Variants in BRF1 observed in about 807,000 individuals in gnomAD.
The protein encoded by BRF1 is BRF1 general transcription factor IIIB subunit, also known as transcription factor IIIB 90 kDa subunit.
BRF1 carries 59 observed loss-of-function variants against 81.7 expected under a neutral mutation model. The ratio of observed to expected loss-of-function variants is 0.72; its 90% CI spans 0.59 to 0.90. The LOEUF (loss-of-function observed/expected upper bound fraction) is 0.90, where lower values mean the gene tolerates loss of function less well. Among genes scored for constraint, BRF1 ranks in the 40% least tolerant of loss-of-function variants. The pLI, the probability that BRF1 is intolerant of heterozygous loss-of-function variation, is 0.00. For synonymous variants in BRF1, 491 were observed against 395.6 expected (o/e 1.24, Z -2.86); for missense variants, 1,050 against 936.3 (o/e 1.12, Z -1.58).
At position 105,242,412 on chromosome 14, in the gene BRF1, A is replaced by G. The variant is rs1163563863; in HGVS notation, c.545-998T>C. ...TAATGATTTTCAATAAGATACAATCATCGCAGCTAGAAATAAAGAGAACGA... is the reference window on the plus strand; with the variant it reads ...TAATGATTTTCAATAAGATACAATCGTCGCAGCTAGAAATAAAGAGAACGA... On this transcript the variant is annotated intron_variant, in intron 5 of 17. Coordinates refer to ENST00000547530, the MANE Select transcript of BRF1 (RefSeq NM_001519.4). The G allele has an allele frequency of 1.1e-4, 16 of 152,334 alleles. No homozygotes were observed. In the East Asian group the frequency reaches 2.7e-3, roughly 26 times the overall value. The allele number at this position is 152,334 out of a possible 1,614,324, so 9.4% of individuals were successfully genotyped here.
At chr14:105,300,321 C>G in intron 1 of BRF1, 125 bp downstream of exon 1, 1 of 1,126,666 alleles carries the variant, frequency 8.9e-7, no homozygotes, top group Admixed American at 3.6e-5. Flanking sequence ...GCCCAGACGG[C>G]GCAGAACCGC....
chr14:105,252,424 C>T, intron 5 of BRF1, 83 bp downstream of exon 5: 1 of 1,538,206 alleles, frequency 6.5e-7, no homozygotes, highest in Non-Finnish European at 8.7e-7. Flanking sequence ...GACAGGATTT[C>T]CCTCCACTGT....
chr14:105,264,560 G>A (rs962209909), intron 3 of BRF1, among the ~76,000 whole-genome samples: 1 of 151,456 alleles, frequency 6.6e-6, no homozygotes, highest in Admixed American at 6.6e-5. Context: ...CCAGCTACTC[G>A]GGAAGCTGAG....
intron 3 of BRF1, among the ~76,000 whole-genome samples, chr14:105,268,779 G>C (rs1367894770): frequency 2.0e-5 from 3 of 152,232 alleles, no homozygotes; most frequent in African/African-American, 7.2e-5. Context: ...GCTGACGGCA[G>C]GGTGGAGGTG....
intron 11 of BRF1, among the ~76,000 whole-genome samples, chr14:105,221,146 A>AGGGATGG (rs1595279114): frequency 6.6e-6 from 1 of 152,356 alleles, no homozygotes; most frequent in African/African-American, 2.4e-5. Flanking sequence ...CTGTCCTGGC[A>AGGGATGG]GGGATGGGGG....
rs140779507 is a variant in BRF1, at chr14:105,228,831, C to T, written c.777G>A (p.Thr259=). 2,049 of 1,613,890 alleles carry T rather than the reference C, an allele frequency of 1.3e-3. 2 individuals are homozygous for T. The highest frequency in any genetic ancestry group is 2.0e-3 in the Middle Eastern group (12 of 6,060). The change falls in exon 7 of 18, where the codon ACG becomes ACA. Residue 259 remains threonine (T), a synonymous_variant. Transcript: ENST00000547530. ...VISVVKVCES[T]LRKRLTEFED... ...TGAGAGCCCCTCACCTCTTCCGCAG[C>T]GTGGACTCACACACTTTGACCACAC...
chr14:105,245,847 C>T (rs1038795125), intron 5 of BRF1, among the ~76,000 whole-genome samples: 2 of 152,158 alleles, frequency 1.3e-5, no homozygotes, highest in East Asian at 1.9e-4. Flanking sequence ...AAAGACTTCA[C>T]GACATTGGTC....
At chr14:105,215,710 GCACA>G (rs942757040) in intron 15 of BRF1, among the ~76,000 whole-genome samples, 5 of 80,006 alleles carry the variant, frequency 6.2e-5, no homozygotes, top group African/African-American at 1.4e-4. Context: ...ATGCACACAG[GCACA>G]CACACACATG....
In BRF1 at chr14:105,249,649, C is replaced by T. The variant is rs147491768; in HGVS notation, c.544+2858G>A. The T allele has an allele frequency of 1.8e-5, 29 of 1,611,522 alleles. No individual in the cohort carries two copies. In the African/African-American group the frequency reaches 3.7e-4, roughly 21 times the overall value. On this transcript the variant is annotated intron_variant, in intron 5 of 17. Coordinates refer to ENST00000547530, the MANE Select transcript of BRF1 (RefSeq NM_001519.4). ...GCCCTGCCTCGCCTAGGTACATGTA[C>T]AGTGATGAGATCGATCTGGAAGCCG...
intron 1 of BRF1, 126 bp downstream of exon 1, chr14:105,300,320 G>C (rs2057952351): frequency 9.1e-7 from 1 of 1,101,676 alleles, no homozygotes; most frequent in Non-Finnish European, 1.2e-6. Context: ...CGCCCAGACG[G>C]CGCAGAACCG....
intron 4 of BRF1, among the ~76,000 whole-genome samples, chr14:105,255,668 C>G (rs587741298): frequency 6.6e-6 from 1 of 152,362 alleles, no homozygotes; most frequent in South Asian, 2.1e-4. Flanking sequence ...TCGGTGCCCC[C>G]ACCCTGTATC....
At chr14:105,211,084 T>G in intron 17 of BRF1, 38 bp downstream of exon 17, 1 of 1,607,106 alleles carries the variant, frequency 6.2e-7, no homozygotes, top group Non-Finnish European at 8.5e-7. Context: ...ATGCCTTTAT[T>G]TCCCTTGAAC....
chr14:105,255,702 G>A (rs587611487), intron 4 of BRF1, among the ~76,000 whole-genome samples: 86 of 152,352 alleles, frequency 5.6e-4, no homozygotes, highest in African/African-American at 2.0e-3. Context: ...GGTCCCTGGG[G>A]TTGGTCTTTC....
At chr14:105,314,179 A>G (rs1378876703) in intron 1 of BRF1, among the ~76,000 whole-genome samples, 2 of 150,148 alleles carry the variant, frequency 1.3e-5, no homozygotes, top group African/African-American at 4.9e-5. Context: ...GAACCCACGC[A>G]GGGGGGCGCG....
intron 1 of BRF1, among the ~76,000 whole-genome samples, chr14:105,289,063 C>T (rs2057421509): frequency 6.8e-6 from 1 of 147,694 alleles, no homozygotes; most frequent in African/African-American, 2.5e-5. Context: ...GAAGCTAGAA[C>T]AGGCCAGGCA....
chr14:105,245,046 T>C (rs1040507893), intron 5 of BRF1, among the ~76,000 whole-genome samples: 1 of 152,082 alleles, frequency 6.6e-6, no homozygotes, highest in Non-Finnish European at 1.5e-5. Flanking sequence ...CTTTATTAAC[T>C]CAAGCGCTTT....
chr14:105,229,648 G>C (rs1326293807), intron 6 of BRF1, among the ~76,000 whole-genome samples: 37 of 150,998 alleles, frequency 2.5e-4, no homozygotes, highest in Admixed American at 4.6e-4. Flanking sequence ...GGGGGCGGGG[G>C]ACAGCCTGGC....
Position 105,262,555 on chromosome 14 carries a change from C to T in BRF1, c.440-6006G>A, listed in dbSNP as rs116338609. 3.1e-3 allele frequency among the ~76,000 whole-genome samples: 473 copies of T among 152,348 alleles called. 2 individuals carry two copies. The highest frequency in any genetic ancestry group is 0.011 in the African/African-American group (438 of 41,578). On this transcript the variant is annotated intron_variant, in intron 3 of 17. Coordinates refer to ENST00000547530, the MANE Select transcript of BRF1 (RefSeq NM_001519.4). ...GAATAATCTAGCACCTCACCGCTGT[C>T]ATCATGCATGGCCTCTGTGAAGTTC...
intron 3 of BRF1, among the ~76,000 whole-genome samples, chr14:105,267,455 C>A (rs1016096135): frequency 1.3e-5 from 2 of 150,900 alleles, no homozygotes; most frequent in African/African-American, 4.9e-5. Flanking sequence ...AGGTACACAC[C>A]ACCAGCTGGA....
Sources: allele counts gnomAD v4.1 joint callset (sites outside exome capture counted in the v4.1 genomes callset), GRCh38; gene constraint gnomAD v4.1.1; transcripts MANE v1.5; gene names NCBI Gene and HGNC (gene_info 2026-07-23, HGNC 2026-07-21).